The following SLC34A2 variants were observed in gnomAD, a reference collection of about 807,000 sequenced individuals.
SLC34A2 encodes solute carrier family 34 member 2.
In SLC34A2, 41 loss-of-function variants were observed where a neutral mutation model predicts 50.8. That is an observed-to-expected ratio of 0.81 (90% CI 0.63 to 1.05). The LOEUF is 1.05. Ranked by LOEUF, SLC34A2 falls within the 50% of genes least tolerant of loss-of-function variation. The pLI is 0.00. For missense variants in SLC34A2, 879 were observed against 876.7 expected, an observed-to-expected ratio of 1.00 and a Z score of -0.03; for synonymous variants, 401 against 364.2, an observed-to-expected ratio of 1.10 and a Z score of -1.15.
chr4:25,673,294 C>G (rs776358935), intron 10 of SLC34A2, 40 bp downstream of exon 10: 13 of 622,924 alleles, frequency 2.1e-5, no homozygotes, highest in Admixed American at 3.2e-5. Flanking sequence ...CACATGTAGT[C>G]ACTGCATGGG....
In SLC34A2 at chr4:25,664,192, C is replaced by T. The variant is rs775783811; in HGVS notation, c.251-10C>T. 1.2e-6 allele frequency: 2 copies of T among 1,611,252 alleles called. No individual in the cohort carries two copies. The highest frequency in any genetic ancestry group is 1.3e-5 in the African/African-American group (1 of 74,764). On this transcript the variant is annotated splice_polypyrimidine_tract_variant and intron_variant, in intron 3 of 12. Coordinates refer to ENST00000382051, the MANE Select transcript of SLC34A2 (RefSeq NM_006424.3). ...CTTTCTCTCTCTCCCCCCATCCCACCCCCCTGCAGAGAGAGACACCAAAGG... is the reference window on the plus strand; with the variant it reads ...CTTTCTCTCTCTCCCCCCATCCCACTCCCCTGCAGAGAGAGACACCAAAGG...
chr4:25,672,161 CCT>C (rs1413901472), intron 9 of SLC34A2, among the ~76,000 whole-genome samples: 1 of 152,104 alleles, frequency 6.6e-6, no homozygotes, highest in African/African-American at 2.4e-5. Context: ...ATGGTGAAAC[CCT>C]GTTTCTACTA....
At chr4:25,671,920 A>C (rs1447854188) in intron 9 of SLC34A2, among the ~76,000 whole-genome samples, 199 bp downstream of exon 9, 1 of 152,234 alleles carries the variant, frequency 6.6e-6, no homozygotes, top group African/African-American at 2.4e-5. Flanking sequence ...CTGAGGTCCC[A>C]CAGCAAGGGC....
chr4:25,656,061 T>C (rs1055243359), intron 1 of SLC34A2, among the ~76,000 whole-genome samples, 171 bp downstream of exon 1: 2 of 152,260 alleles, frequency 1.3e-5, no homozygotes, highest in Admixed American at 6.5e-5. Context: ...TTCTTCTTAA[T>C]GTTACGGTTA....
intron 1 of SLC34A2, among the ~76,000 whole-genome samples, chr4:25,659,950 G>A (rs539306689): frequency 6.6e-6 from 1 of 152,314 alleles, no homozygotes; most frequent in Non-Finnish European, 1.5e-5. Flanking sequence ...GGAAAAAGAA[G>A]TGCTTTAGAT....
At position 25,674,393 on chromosome 4, in the gene SLC34A2, G is replaced by A. The variant is rs116372050; in HGVS notation, c.1314G>A (p.Ser438=). The A allele has an allele frequency of 2.9e-4, 471 of 1,614,120 alleles. No individual in the cohort carries two copies. The East Asian group carries it at 4.8e-3, about 16-fold the overall frequency. Residue 438 remains serine (S), a synonymous_variant, in exon 11 of 13, where the codon TCG becomes TCA. Transcript: ENST00000382051. The stretch of plus-strand genomic sequence containing the variant: ...TACAGAGCAGCTCTGTGTTCACGTC[G>A]GCCTTGACCCCCCTGATTGGTGAGT... ...FIVQSSSVFT[S]ALTPLIGIGV...
intron 4 of SLC34A2, 47 bp downstream of exon 4, chr4:25,664,377 G>T (rs762062489): frequency 6.2e-7 from 1 of 1,611,114 alleles, no homozygotes; most frequent in South Asian, 1.1e-5. Context: ...GCATTATCTT[G>T]AAATGTGGTT....
chr4:25,656,768 A>C (rs140648525), intron 1 of SLC34A2, among the ~76,000 whole-genome samples: 1 of 152,226 alleles, frequency 6.6e-6, no homozygotes, highest in East Asian at 1.9e-4. Flanking sequence ...CCCTTTTTCA[A>C]ACATGTTGAT....
At chr4:25,674,204 A>G in intron 10 of SLC34A2, 92 bp from the exon 11 acceptor site, 1 of 848,602 alleles carries the variant, frequency 1.2e-6, no homozygotes, top group Non-Finnish European at 2.0e-6. Flanking sequence ...GGGATGATGT[A>G]CAACCTCACC....
rs1211470341 is a variant in SLC34A2, at chr4:25,677,993, A to T, written c.*1244A>T. ...TCGAGCACACGTGTGTGCATGGGTC[A>T]AAGGGGTGTGTTCCTTCTCATCCTA... On this transcript the variant is annotated 3_prime_UTR_variant, in exon 13 of 13. Coordinates refer to ENST00000382051, the MANE Select transcript of SLC34A2 (RefSeq NM_006424.3). 1 of 152,334 alleles carries T rather than the reference A, an allele frequency of 6.6e-6. No homozygotes were observed. Among genetic ancestry groups the T allele is most frequent in the East Asian group, 1.9e-4 (1 of 5,192 alleles). The allele number at this position is 152,334 out of a possible 1,614,324, so 9.4% of individuals were successfully genotyped here.
rs1714274147 is a variant in SLC34A2 at position 25,662,764 on chromosome 4, A to G, written c.172A>G (p.Thr58Ala). The change falls in exon 3 of 13, where the codon ACA (threonine) becomes GCA (alanine). Residue 58 changes from threonine to alanine, a missense_variant. Physicochemically the swap from Thr to Ala is moderately conservative, Grantham distance 58. Transcript: ENST00000382051. ...IELLPSYSTA[T>A]LIDEPTEVDD... is the part of the protein sequence containing the mutation. ...ACTTCTGCCGTCCTACTCCACGGCT[A>G]CACTGATAGATGAGCCCACTGAGGT... 1.9e-6 allele frequency: 3 copies of G among 1,614,086 alleles called. No individual in the cohort carries two copies. The East Asian group carries it at 6.7e-5, about 36-fold the overall frequency.
intron 1 of SLC34A2, among the ~76,000 whole-genome samples, chr4:25,659,057 T>G (rs1714044491): frequency 6.6e-6 from 1 of 151,992 alleles, no homozygotes; most frequent in South Asian, 2.1e-4. Flanking sequence ...GAGCCCTCAA[T>G]GTGCCTAGAC....
intron 5 of SLC34A2, chr4:25,666,820 CT>C (rs1378171287): frequency 6.5e-6 from 1 of 153,424 alleles, no homozygotes; most frequent in Non-Finnish European, 1.5e-5. Context: ...GCACACTAAA[CT>C]TGTACCTGTC....
Position 25,664,310 on chromosome 4 carries a change from G to A in SLC34A2, c.359G>A (p.Ser120Asn). The change falls in exon 4 of 13, where the codon AGC becomes AAC. Residue 120 changes from serine to asparagine, a missense_variant. Coordinates refer to ENST00000382051, the MANE Select transcript of SLC34A2 (RefSeq NM_006424.3). ...GTGTGCTCCCTGGATATTCTTAGTA[G>A]CGCCTTCCAGCTGGTTGGAGGTAAG... ...FFVCSLDILS[S>N]AFQLVGGKMA... 1 of 1,613,874 alleles carries A rather than the reference G, an allele frequency of 6.2e-7. No individual in the cohort carries two copies. The highest frequency in any genetic ancestry group is 8.5e-7 in the Non-Finnish European group (1 of 1,179,942).
chr4:25,656,107 C>G (rs1713866564), intron 1 of SLC34A2, among the ~76,000 whole-genome samples: 1 of 152,198 alleles, frequency 6.6e-6, no homozygotes, highest in Non-Finnish European at 1.5e-5. Flanking sequence ...TACACTCTTA[C>G]GATCGACAGT....
Position 25,662,577 on chromosome 4 carries a change from C to G in SLC34A2, c.77C>G (p.Pro26Arg). 6.2e-7 allele frequency: 1 copy of G among 1,614,076 alleles called. No individual in the cohort carries two copies. The highest frequency in any genetic ancestry group is 8.5e-7 in the Non-Finnish European group (1 of 1,180,028). ...KYLEGAAGQQ[P>R]TAPDKSKETN... ...CTCGAAGGGGCCGCAGGTCAGCAGC[C>G]CACTGCCCCTGATAAAAGCAAAGAG... is the stretch of plus-strand genomic sequence containing the variant. Residue 26 changes from proline (P) to arginine (R), a missense_variant, in exon 2 of 13, where the codon CCC becomes CGC. Transcript: ENST00000382051.
intron 9 of SLC34A2, 50 bp downstream of exon 9, chr4:25,671,771 T>C (rs769464810): frequency 6.2e-7 from 1 of 1,613,356 alleles, no homozygotes; most frequent in Non-Finnish European, 8.5e-7. Context: ...TGTCTGGGGG[T>C]GACCTATTTA....
chr4:25,655,995 T>C (rs1713861200), intron 1 of SLC34A2, 105 bp downstream of exon 1: 1 of 152,276 alleles, frequency 6.6e-6, no homozygotes, highest in Non-Finnish European at 1.5e-5. Flanking sequence ...GGAACTTGGC[T>C]GGCTTTGGGC....
intron 12 of SLC34A2, among the ~76,000 whole-genome samples, chr4:25,675,425 G>A (rs1715060551): frequency 6.6e-6 from 1 of 152,210 alleles, no homozygotes; most frequent in African/African-American, 2.4e-5. Flanking sequence ...AAAGATGGAG[G>A]ACATAACCCC....
Sources: allele counts gnomAD v4.1 joint callset (sites outside exome capture counted in the v4.1 genomes callset), GRCh38; gene constraint gnomAD v4.1.1; transcripts MANE v1.5; gene names NCBI Gene and HGNC (gene_info 2026-07-23, HGNC 2026-07-21).